Variants in TECPR1 observed in about 807,000 individuals in gnomAD.
TECPR1 encodes tectonin beta-propeller repeat-containing protein 1.
Under a neutral mutation model 162.4 loss-of-function variants are expected in TECPR1, and 122 were observed. The observed-to-expected ratio is 0.75, with a 90% CI of 0.65 to 0.87. The LOEUF (loss-of-function observed/expected upper bound fraction) is 0.87, where lower values mean the gene tolerates loss of function less well. Among genes scored for constraint, TECPR1 ranks in the 40% least tolerant of loss-of-function variants. TECPR1 has a pLI of 0.00. For synonymous variants in TECPR1, 642 were observed against 670.6 expected, an observed-to-expected ratio of 0.96 and a Z score of 0.66; for missense variants, 1,432 against 1,618.2, an observed-to-expected ratio of 0.88 and a Z score of 1.97.
In TECPR1 at chr7:98,231,412, G is replaced by A. The variant is rs780493288; in HGVS notation, c.1975-39C>T. 2.1e-5 allele frequency: 33 copies of A among 1,558,710 alleles called. No individual in the cohort carries two copies. In the Admixed American group the frequency reaches 3.4e-4, roughly 16 times the overall value. On this transcript the variant is annotated intron_variant, in intron 13 of 25. Coordinates refer to ENST00000447648, the MANE Select transcript of TECPR1 (RefSeq NM_015395.3). Reference sequence around the variant, plus strand: ...AGGCGCCCGGCAGGGCTGTCACCCAGGGCAGGAGGCCTCTGGAGGGTGACC... The same window carrying A: ...AGGCGCCCGGCAGGGCTGTCACCCAAGGCAGGAGGCCTCTGGAGGGTGACC...
chr7:98,223,096 G>A lies in TECPR1; in HGVS notation c.2822C>T (p.Pro941Leu), dbSNP rs1240548570. ...ACTCCCCTCGGCACCCGGGCTCTCCGGGATGATGGACACGTCCCTGAGGGC... is the reference window on the plus strand; with the variant it reads ...ACTCCCCTCGGCACCCGGGCTCTCCAGGATGATGGACACGTCCCTGAGGGC... ...PIALRDVSII[P>L]ESPGAEGSGH... The change falls in exon 21 of 26, where the codon CCG becomes CTG. Residue 941 changes from proline (P) to leucine (L), a missense_variant. By Grantham distance (98) the Pro-to-Leu change is moderately conservative. Transcript: ENST00000447648. The A allele has an allele frequency of 8.7e-6, 14 of 1,603,282 alleles. No homozygotes were observed. The highest frequency in any genetic ancestry group is 2.2e-5 in the South Asian group (2 of 89,200).
Position 98,243,756 on chromosome 7 carries a change from C to G in TECPR1, c.532-164G>C, listed in dbSNP as rs368782853. ...CATCAGGACTGTGGGGGCCCCTGCCCGGCTAATTTTTGTATTTTCAGTAGA... is the reference window on the plus strand; with the variant it reads ...CATCAGGACTGTGGGGGCCCCTGCCGGGCTAATTTTTGTATTTTCAGTAGA... On this transcript the variant is annotated intron_variant, in intron 5 of 25. Coordinates refer to ENST00000447648, the MANE Select transcript of TECPR1 (RefSeq NM_015395.3). Among the ~76,000 whole-genome samples the G allele has an allele frequency of 3.9e-5, 6 of 152,244 alleles. No homozygotes were observed. In the South Asian group the frequency reaches 1.0e-3, roughly 26 times the overall value.
At position 98,217,132 on chromosome 7, in the gene TECPR1, G is replaced by C. The variant is rs1798030864; in HGVS notation, c.*258C>G. On this transcript the variant is annotated 3_prime_UTR_variant, in exon 26 of 26. Transcript: ENST00000447648. The stretch of plus-strand genomic sequence containing the variant: ...AAGGGAAGGGTGGGAGGGGCCTCTG[G>C]GAGGTGCAGCCCCACCCCATGCCCC... The C allele has an allele frequency of 2.4e-6, 1 of 420,466 alleles. No individual in the cohort carries two copies. The allele number at this position is 420,466 out of a possible 1,614,324, so 26.0% of individuals were successfully genotyped here.
rs1279402701 is a variant in TECPR1 at position 98,222,397 on chromosome 7, G to A, written c.3053C>T (p.Ser1018Leu). Residue 1018 changes from serine to leucine, a missense_variant, in exon 22 of 26, where the codon TCG (serine) becomes TTG (leucine). Physicochemically the swap from Ser to Leu is moderately radical, Grantham distance 145. Coordinates refer to ENST00000447648, the MANE Select transcript of TECPR1 (RefSeq NM_015395.3). ...SAFYRGSVYP[S>L]QPAGDCWYHI... ...GGCGCGGCACTCACCGGCTGGCTGC[G>A]AGGGGTACACGGATCCCCGGTAGAA... 9 of 1,602,132 alleles carry A rather than the reference G, an allele frequency of 5.6e-6. No individual in the cohort carries two copies. The East Asian group carries it at 9.0e-5, about 16-fold the overall frequency.
rs779015755 is a variant in TECPR1, at chr7:98,241,843, A to C, written c.658-599T>G. ...CAGCAGGCCCTGCAGGACCAGGCCT[A>C]GGAGCCTCCCTTCGGCTAGCAGGTG... is the stretch of plus-strand genomic sequence containing the variant. On this transcript the variant is annotated intron_variant, in intron 6 of 25. Transcript: ENST00000447648. This position sits in a 1 kb window ranked among gnomAD's most constrained non-coding sequence, Gnocchi z 5.0. Among the ~76,000 whole-genome samples, 8 of 152,174 alleles carry C rather than the reference A, an allele frequency of 5.3e-5. No individual in the cohort carries two copies. The highest frequency in any genetic ancestry group is 1.0e-4 in the Non-Finnish European group (7 of 68,010).
Position 98,241,070 on chromosome 7 carries a change from C to G in TECPR1, c.832G>C (p.Gly278Arg). 6.2e-7 allele frequency: 1 copy of G among 1,603,746 alleles called. No homozygotes were observed. Among genetic ancestry groups the G allele is most frequent in the Non-Finnish European group, 8.5e-7 (1 of 1,174,754 alleles). Residue 278 changes from glycine to arginine, a missense_variant and splice_region_variant, in exon 7 of 26, where the codon GGA (glycine) becomes CGA (arginine). Coordinates refer to ENST00000447648, the MANE Select transcript of TECPR1 (RefSeq NM_015395.3). This position sits in a 1 kb window ranked among gnomAD's most constrained non-coding sequence, Gnocchi z 5.0. ...TGGGTGGGGGAGCCGGGCTGCCCACCTTTGGGATTGCTCCTGTTGATTCCT... is the reference window on the plus strand; with the variant it reads ...TGGGTGGGGGAGCCGGGCTGCCCACGTTTGGGATTGCTCCTGTTGATTCCT... ...REGINRSNPK[G>R]SSWSIVEPPG...
chr7:98,238,421 G>A (rs992659905), intron 9 of TECPR1, 88 bp downstream of exon 9: 1 of 1,077,954 alleles, frequency 9.3e-7, no homozygotes, highest in Non-Finnish European at 1.4e-6. Context: ...CTCCTACAGT[G>A]GGAAGCGGCC....
Position 98,228,016 on chromosome 7 carries a change from G to A in TECPR1, c.2511C>T (p.Ser837=), listed in dbSNP as rs761491826. ...QRWNPVTGYT[S]RGLPTDRYMW... is the part of the protein sequence containing the mutation. ...GGCCGGGCACCTGTGCCACTTACCT[G>A]CTGGTGTAGCCTGTGACGGGGTTCC... The change falls in exon 17 of 26, where the codon AGC becomes AGT. Residue 837 remains serine (S), a splice_region_variant and synonymous_variant. Transcript: ENST00000447648. 6.2e-7 allele frequency: 1 copy of A among 1,611,440 alleles called. No homozygotes were observed. Among genetic ancestry groups the A allele is most frequent in the Admixed American group, 1.7e-5 (1 of 59,698 alleles).
At chr7:98,233,364 C>T in intron 11 of TECPR1, 57 bp downstream of exon 11, 2 of 1,407,650 alleles carry the variant, frequency 1.4e-6, no homozygotes, top group Non-Finnish European at 1.9e-6. Flanking sequence ...TCCCACACCC[C>T]ACACCCCCAG....
intron 10 of TECPR1, among the ~76,000 whole-genome samples, chr7:98,235,555 C>T (rs1160557311): frequency 1.4e-5 from 2 of 143,506 alleles, no homozygotes; most frequent in African/African-American, 2.6e-5. Context: ...TACCAGCTGG[C>T]GGGGTGTGGT....
chr7:98,239,010 C>A (rs577748343), intron 8 of TECPR1, among the ~76,000 whole-genome samples: 3 of 152,232 alleles, frequency 2.0e-5, no homozygotes, highest in Admixed American at 6.5e-5. Context: ...AAAAACAAGA[C>A]CCCTATTTTG....
In TECPR1 at chr7:98,232,031, G is replaced by A; in HGVS notation, c.1819-72C>T. The A allele has an allele frequency of 6.7e-7, 1 of 1,502,714 alleles. No individual in the cohort carries two copies. The highest frequency in any genetic ancestry group is 1.2e-5 in the South Asian group (1 of 82,700). The allele number at this position is 1,502,714 out of a possible 1,614,324, so 93.1% of individuals were successfully genotyped here. On this transcript the variant is annotated intron_variant, in intron 12 of 25. Coordinates refer to ENST00000447648, the MANE Select transcript of TECPR1 (RefSeq NM_015395.3). The surrounding 1 kb of genome is among the most constrained non-coding windows in gnomAD (Gnocchi z 4.6). The stretch of plus-strand genomic sequence containing the variant: ...GCCAGGGGAGGAGGGCGGGGCTGGG[G>A]GTGCCCAGAGGAGGAGGCAGGGCTG...
chr7:98,243,410 G>A lies in TECPR1; in HGVS notation c.657+57C>T, dbSNP rs559993761. 7 of 1,603,866 alleles carry A rather than the reference G, an allele frequency of 4.4e-6. No homozygotes were observed. The South Asian group carries it at 7.8e-5, about 18-fold the overall frequency. On this transcript the variant is annotated intron_variant, in intron 6 of 25. Transcript: ENST00000447648. The stretch of plus-strand genomic sequence containing the variant: ...CAAGACCCAGGGGGTGCACAGGACA[G>A]GACCCACAGGAGGTGGGATCGTGGG...
chr7:98,231,840 G>T lies in TECPR1; in HGVS notation c.1938C>A (p.Ile646=). Reference sequence around the variant, plus strand: ...CGTGGACCACATAGTAGATGAAGAGGATGCTGTCCCGGACGCCGTCGTGCC... The same window carrying T: ...CGTGGACCACATAGTAGATGAAGAGTATGCTGTCCCGGACGCCGTCGTGCC... ...FTGHDGVRDS[I]LFIYYVVHEE... is the part of the protein sequence containing the mutation. The change falls in exon 13 of 26, where the codon ATC becomes ATA. Residue 646 remains isoleucine, a synonymous_variant. Coordinates refer to ENST00000447648, the MANE Select transcript of TECPR1 (RefSeq NM_015395.3). 6.2e-7 allele frequency: 1 copy of T among 1,612,964 alleles called. No individual in the cohort carries two copies.
chr7:98,248,797 G>A (rs1166950415), intron 2 of TECPR1, among the ~76,000 whole-genome samples: 10 of 151,248 alleles, frequency 6.6e-5, no homozygotes, highest in Non-Finnish European at 2.9e-5. Flanking sequence ...AGAGAGCCGA[G>A]ATTGCACCAC....
Position 98,232,727 on chromosome 7 carries a change from G to T in TECPR1, c.1818+100C>A. On this transcript the variant is annotated intron_variant, in intron 12 of 25. Coordinates refer to ENST00000447648, the MANE Select transcript of TECPR1 (RefSeq NM_015395.3). This position sits in a 1 kb window ranked among gnomAD's most constrained non-coding sequence, Gnocchi z 4.6. The stretch of plus-strand genomic sequence containing the variant: ...CTGGGCGGGAGACCAGGGGATGGAG[G>T]CATCTATCTGTTTCTCTCAGAGCTG... 7.3e-7 allele frequency: 1 copy of T among 1,372,456 alleles called. No individual in the cohort carries two copies. Among genetic ancestry groups the T allele is most frequent in the Non-Finnish European group, 9.6e-7 (1 of 1,038,958 alleles). The allele number at this position is 1,372,456 out of a possible 1,614,324, so 85.0% of individuals were successfully genotyped here. A position where few individuals can be genotyped will look rare whatever the true frequency, so the allele number is the denominator to read the frequency against.
Position 98,232,734 on chromosome 7 carries a change from T to C in TECPR1, c.1818+93A>G, listed in dbSNP as rs1798476782. 3 of 1,411,218 alleles carry C rather than the reference T, an allele frequency of 2.1e-6. No homozygotes were observed. The highest frequency in any genetic ancestry group is 2.8e-6 in the Non-Finnish European group (3 of 1,070,830). 87.4% of individuals were successfully genotyped at this position (1,411,218 alleles called of 1,614,324 possible). On this transcript the variant is annotated intron_variant, in intron 12 of 25. Coordinates refer to ENST00000447648, the MANE Select transcript of TECPR1 (RefSeq NM_015395.3). The surrounding 1 kb of genome is among the most constrained non-coding windows in gnomAD (Gnocchi z 4.6). ...GGAGACCAGGGGATGGAGGCATCTA[T>C]CTGTTTCTCTCAGAGCTGGTACACA...
At position 98,229,026 on chromosome 7, in the gene TECPR1, G is replaced by T. The variant is rs75148471; in HGVS notation, c.2410+13C>A. 827 of 1,600,084 alleles carry T rather than the reference G, an allele frequency of 5.2e-4. 1 individual carries two copies. The African/African-American group carries it at 0.01, about 19-fold the overall frequency. On this transcript the variant is annotated intron_variant, in intron 16 of 25. Coordinates refer to ENST00000447648, the MANE Select transcript of TECPR1 (RefSeq NM_015395.3). ...CCCAGGAAGGCTCCGGGGGGGCTGT[G>T]GGCCGCCCTCACCTTGGAAGCAGCC...
Position 98,232,693 on chromosome 7 carries a change from T to A in TECPR1, c.1818+134A>T. ...AAGAAACCCTGAGCTCATTTCTCTA[T>A]GCCTGCATCTGGGCGGGAGACCAGG... On this transcript the variant is annotated intron_variant, in intron 12 of 25. Coordinates refer to ENST00000447648, the MANE Select transcript of TECPR1 (RefSeq NM_015395.3). This position sits in a 1 kb window ranked among gnomAD's most constrained non-coding sequence, Gnocchi z 4.6. The A allele has an allele frequency of 8.4e-7, 1 of 1,192,880 alleles. No homozygotes were observed. The highest frequency in any genetic ancestry group is 1.1e-6 in the Non-Finnish European group (1 of 882,338). The allele number at this position is 1,192,880 out of a possible 1,614,324, so 73.9% of individuals were successfully genotyped here.
Sources: gnomAD v4.1 joint callset for allele counts (sites outside exome capture counted in the v4.1 genomes callset) on GRCh38, gnomAD v4.1.1 for gene constraint, Gnocchi (gnomAD v3.1) non-coding constraint, MANE v1.5 for transcripts, NCBI Gene and HGNC (gene_info 2026-07-23, HGNC 2026-07-21) for gene names.